Variants in GNAO1 observed in about 807,000 individuals in gnomAD.
GNAO1 encodes the protein G protein subunit alpha o1, also known as guanine nucleotide-binding protein G(o) subunit alpha.
For missense variants in GNAO1, 166 were observed against 478.7 expected, an observed-to-expected ratio of 0.35 and a Z score of 6.10; for synonymous variants, 164 against 180.7, an observed-to-expected ratio of 0.91 and a Z score of 0.74.
chr16:56,250,615 TC>T (rs1892055665), intron 2 of GNAO1, among the ~76,000 whole-genome samples: 1 of 152,126 alleles, frequency 6.6e-6, no homozygotes, highest in South Asian at 2.1e-4. Flanking sequence ...ATGGCAGAAA[TC>T]CTGCCCAATG....
intron 2 of GNAO1, among the ~76,000 whole-genome samples, chr16:56,205,417 A>G (rs1237369712): frequency 2.0e-5 from 3 of 152,206 alleles, no homozygotes; most frequent in Admixed American, 1.3e-4. Context: ...TGAGGGCACC[A>G]GTGGGCAAGG....
intron 2 of GNAO1, among the ~76,000 whole-genome samples, chr16:56,206,095 C>T (rs549733586): frequency 2.6e-5 from 4 of 151,958 alleles, no homozygotes; most frequent in South Asian, 4.2e-4. Context: ...CTGAGGTGGG[C>T]GGATCACAAA....
At chr16:56,271,056 C>G (rs1204846259) in intron 2 of GNAO1, 1 of 152,280 alleles carries the variant, frequency 6.6e-6, no homozygotes, top group African/African-American at 2.4e-5. Flanking sequence ...CTCTCCAGAG[C>G]TGTATCTCCA....
chr16:56,206,823 A>G (rs2036335065), intron 2 of GNAO1, among the ~76,000 whole-genome samples: 1 of 152,252 alleles, frequency 6.6e-6, no homozygotes, highest in Non-Finnish European at 1.5e-5. Flanking sequence ...GGACGGTTGC[A>G]CAGTCCAAGC....
intron 6 of GNAO1, chr16:56,344,953 T>C: frequency 1.0e-6 from 1 of 982,338 alleles, no homozygotes; most frequent in Non-Finnish European, 1.2e-6. Flanking sequence ...AGCGAGTTTG[T>C]TCACAGCCGT....
rs1178074431 is a variant in GNAO1, at chr16:56,355,156, CACT to C, written c.*28+77_*28+79del. On this transcript the variant is annotated intron_variant, in intron 8 of 8. Coordinates refer to ENST00000262493, the MANE Select transcript of GNAO1 (RefSeq NM_020988.3). ...CACACACACACACACACACACACAC[CACT>C]AACAAATGCAAGTTGGTAAATAAAC... The C allele has an allele frequency of 1.1e-5, 5 of 463,344 alleles. No individual in the cohort carries two copies. The Admixed American group carries it at 1.1e-4, about 10-fold the overall frequency. 28.7% of individuals were successfully genotyped at this position (463,344 alleles called of 1,614,324 possible). A position where few individuals can be genotyped will look rare whatever the true frequency, so the allele number is the denominator to read the frequency against.
At chr16:56,344,293 A>G in intron 6 of GNAO1, 1 of 1,195,286 alleles carries the variant, frequency 8.4e-7, no homozygotes, top group Non-Finnish European at 1.0e-6. Flanking sequence ...GAAGCCTCGG[A>G]GTGTCCTCCT....
intron 3 of GNAO1, chr16:56,302,930 A>G (rs766137455): frequency 2.6e-5 from 4 of 152,228 alleles, no homozygotes; most frequent in Non-Finnish European, 5.9e-5. Flanking sequence ...TTCTGTCTAT[A>G]AATAATTCCA....
intron 6 of GNAO1, chr16:56,343,765 C>T (rs770271324): frequency 6.2e-7 from 1 of 1,611,990 alleles, no homozygotes; most frequent in Admixed American, 1.7e-5. Context: ...CTCTGCAGGC[C>T]CCAGCGCCTT....
At position 56,326,864 on chromosome 16, in the gene GNAO1, G is replaced by A. The variant is rs1349038416; in HGVS notation, c.304-1767G>A. ...ACGGAGCACATATCTTCCTGGGCAA[G>A]GCCACTTCAGCTGTGGTCTAGACCC... On this transcript the variant is annotated intron_variant, in intron 3 of 8. Coordinates refer to ENST00000262493, the MANE Select transcript of GNAO1 (RefSeq NM_020988.3). The surrounding 1 kb of genome is among the most constrained non-coding windows in gnomAD (Gnocchi z 4.8). 1.3e-5 allele frequency among the ~76,000 whole-genome samples: 2 copies of A among 152,178 alleles called. No homozygotes were observed. Among genetic ancestry groups the A allele is most frequent in the African/African-American group, 4.8e-5 (2 of 41,438 alleles).
At chr16:56,353,218 G>A (rs1165255472) in intron 7 of GNAO1, 2 of 152,356 alleles carry the variant, frequency 1.3e-5, no homozygotes, top group Admixed American at 6.5e-5. Context: ...CAGCCACAAC[G>A]ATGGAGTCCA....
chr16:56,205,343 G>A (rs1347433953), intron 2 of GNAO1, among the ~76,000 whole-genome samples: 2 of 152,232 alleles, frequency 1.3e-5, no homozygotes, highest in African/African-American at 4.8e-5. Context: ...GCTGTGTGCA[G>A]GAGCTCCAGC....
In GNAO1 at chr16:56,311,561, G is replaced by T. The variant is rs543886285; in HGVS notation, c.304-17070G>T. On this transcript the variant is annotated intron_variant, in intron 3 of 8. Transcript: ENST00000262493. This position sits in a 1 kb window ranked among gnomAD's most constrained non-coding sequence, Gnocchi z 5.2. Reference sequence around the variant, plus strand: ...AAACTGTTGGGGTGATGGCGCCTTGGCTGGAGCAGGCCACCCACCTGGCCC... The same window carrying T: ...AAACTGTTGGGGTGATGGCGCCTTGTCTGGAGCAGGCCACCCACCTGGCCC... 6.6e-6 allele frequency among the ~76,000 whole-genome samples: 1 copy of T among 152,304 alleles called. No individual in the cohort carries two copies. The highest frequency in any genetic ancestry group is 1.9e-4 in the East Asian group (1 of 5,186).
chr16:56,325,372 A>C (rs1392885467), intron 3 of GNAO1, among the ~76,000 whole-genome samples: 1 of 152,200 alleles, frequency 6.6e-6, no homozygotes, highest in Admixed American at 6.5e-5. Context: ...GCTACTCAGG[A>C]GGTTAAGCCA....
Position 56,297,886 on chromosome 16 carries a change from C to T in GNAO1, c.303+21814C>T, listed in dbSNP as rs1295123210. 3.9e-5 allele frequency among the ~76,000 whole-genome samples: 6 copies of T among 152,218 alleles called. No individual in the cohort carries two copies. The South Asian group carries it at 1.0e-3, about 26-fold the overall frequency. On this transcript the variant is annotated intron_variant, in intron 3 of 8. Coordinates refer to ENST00000262493, the MANE Select transcript of GNAO1 (RefSeq NM_020988.3). Reference sequence around the variant, plus strand: ...ACTAGACGATTAAAAAAATAGTTATCGAGTGGGAGTGCTGGCTCACGCCCA... The same window carrying T: ...ACTAGACGATTAAAAAAATAGTTATTGAGTGGGAGTGCTGGCTCACGCCCA...
Position 56,351,828 on chromosome 16 carries a change from T to C in GNAO1, c.877+291T>C. ...AGGACAGGATCACAGGCTTCCCCCT[T>C]CCTCCTGGTCACCCTCTAGAAGAGG... is the stretch of plus-strand genomic sequence containing the variant. On this transcript the variant is annotated intron_variant, in intron 7 of 8. Transcript: ENST00000262493. The surrounding 1 kb of genome is among the most constrained non-coding windows in gnomAD (Gnocchi z 6.1). 2.8e-6 allele frequency: 1 copy of C among 362,104 alleles called. No homozygotes were observed. The highest frequency in any genetic ancestry group is 5.1e-6 in the Non-Finnish European group (1 of 196,140). 22.4% of individuals were successfully genotyped at this position (362,104 alleles called of 1,614,324 possible). A position where few individuals can be genotyped will look rare whatever the true frequency, so the allele number is the denominator to read the frequency against.
intron 3 of GNAO1, among the ~76,000 whole-genome samples, chr16:56,325,248 G>A (rs949393302): frequency 2.0e-5 from 3 of 152,220 alleles, no homozygotes; most frequent in Non-Finnish European, 2.9e-5. Context: ...AGGCCAAGGC[G>A]GGTGGATCAC....
intron 3 of GNAO1, among the ~76,000 whole-genome samples, chr16:56,289,799 A>G (rs1431207826): frequency 6.6e-6 from 1 of 152,114 alleles, no homozygotes; most frequent in East Asian, 1.9e-4. Flanking sequence ...GAGCACATAA[A>G]CAAGTGTCCC....
At chr16:56,345,779 A>C in intron 6 of GNAO1, 1 of 985,484 alleles carries the variant, frequency 1.0e-6, no homozygotes, top group East Asian at 1.1e-4. Flanking sequence ...GTTATTTCTC[A>C]GCAGCACCAC....
Sources: allele counts gnomAD v4.1 joint callset (sites outside exome capture counted in the v4.1 genomes callset), GRCh38; gene constraint gnomAD v4.1.1; non-coding constraint Gnocchi (gnomAD v3.1); transcripts MANE v1.5; gene names NCBI Gene and HGNC (gene_info 2026-07-23, HGNC 2026-07-21).